Variants in PSG2 observed in about 807,000 individuals in gnomAD.
PSG2 encodes pregnancy specific beta-1-glycoprotein 2, also known as pregnancy-specific beta-1-glycoprotein 2.
In PSG2, 49 loss-of-function variants were observed where a neutral mutation model predicts 36.2. The observed-to-expected ratio is 1.35, with a 90% CI of 1.08 to 1.72. PSG2 has a LOEUF of 1.72. Among genes scored for constraint, PSG2 ranks in the 40% most tolerant of loss-of-function variants. The pLI is 0.00. For synonymous variants in PSG2, 261 were observed against 155.6 expected, an observed-to-expected ratio of 1.68 and a Z score of -5.04; for missense variants, 605 against 407.2, an observed-to-expected ratio of 1.49 and a Z score of -4.18.
rs145401251 is a variant in PSG2 at position 43,082,570 on chromosome 19, G to C, written c.-1C>G. The C allele has an allele frequency of 1.2e-6, 2 of 1,611,668 alleles. No homozygotes were observed. The highest frequency in any genetic ancestry group is 8.5e-7 in the Non-Finnish European group (1 of 1,178,888). On this transcript the variant is annotated 5_prime_UTR_variant, in exon 1 of 6. Coordinates refer to ENST00000406487, the MANE Select transcript of PSG2 (RefSeq NM_031246.4). ...AGGGAGGGGCTGAGAGGGGCCCCAT[G>C]GTCTCTGCTGCCTGTGTGTTCTCCT...
At position 43,072,298 on chromosome 19, in the gene PSG2, C is replaced by G. The variant is rs748863655; in HGVS notation, c.710-344G>C. The G allele has an allele frequency of 1.2e-6, 2 of 1,604,150 alleles. 1 individual carries two copies. The highest frequency in any genetic ancestry group is 4.5e-5 in the East Asian group (2 of 44,806). On this transcript the variant is annotated intron_variant, in intron 3 of 5. Transcript: ENST00000406487. ...GGAGAGAGACTGAGAGGCCTGGCCC[C>G]TGGTCATTTGGATTTAAGCTGGTGG... is the stretch of plus-strand genomic sequence containing the variant.
At chr19:43,077,847 A>G (rs1568515546) in intron 2 of PSG2, among the ~76,000 whole-genome samples, 3 of 151,774 alleles carry the variant, frequency 2.0e-5, no homozygotes, top group South Asian at 4.1e-4. Flanking sequence ...GGAAATTTCT[A>G]TTGACACGTC....
At chr19:43,075,186 C>T (rs1403662167) in intron 3 of PSG2, among the ~76,000 whole-genome samples, 168 bp downstream of exon 3, 2 of 151,750 alleles carry the variant, frequency 1.3e-5, no homozygotes, top group African/African-American at 4.9e-5. Context: ...TATTGTGGAT[C>T]AAGCCTAGGC....
At position 43,071,722 on chromosome 19, in the gene PSG2, T is replaced by C. The variant is rs3746096; in HGVS notation, c.942A>G (p.Thr314=). Residue 314 remains threonine, a synonymous_variant, in exon 4 of 6, where the codon ACA becomes ACG. Coordinates refer to ENST00000406487, the MANE Select transcript of PSG2 (RefSeq NM_031246.4). Reference sequence around the variant, plus strand: ...TACCAGAGACTTTGACTGTCAACGATGTGGAGCTTTCCTCGCCAGTGGCTG... The same window carrying C: ...TACCAGAGACTTTGACTGTCAACGACGTGGAGCTTTCCTCGCCAGTGGCTG... ...RNSATGEESS[T]SLTVKVSAST... is the part of the protein sequence containing the mutation. The C allele has an allele frequency of 0.099, 159,002 of 1,612,594 alleles. 9,771 individuals carry two copies. The highest frequency in any genetic ancestry group is 0.15 in the South Asian group (13,668 of 91,010).
At chr19:43,074,060 C>A (rs542354704) in intron 3 of PSG2, among the ~76,000 whole-genome samples, 1 of 151,510 alleles carries the variant, frequency 6.6e-6, no homozygotes, top group African/African-American at 2.4e-5. Flanking sequence ...ATGCTGCACT[C>A]GTTTATTTTT....
At position 43,075,571 on chromosome 19, in the gene PSG2, A is replaced by G. The variant is rs768015157; in HGVS notation, c.492T>C (p.Thr164=). The G allele has an allele frequency of 3.7e-6, 6 of 1,613,300 alleles. No homozygotes were observed. In the Admixed American group the frequency reaches 1.0e-4, roughly 27 times the overall value. The change falls in exon 3 of 6, where the codon ACT becomes ACC. Residue 164 remains threonine, a synonymous_variant. Coordinates refer to ENST00000406487, the MANE Select transcript of PSG2 (RefSeq NM_031246.4). ...TCTCAGGATCACAGGTTAAGATCAC[A>G]GTTTCCATGGCCTCCCTGGGGTTTA... is the stretch of plus-strand genomic sequence containing the variant. ...SNLNPREAME[T]VILTCDPETP...
chr19:43,079,509 G>T (rs879822713), intron 2 of PSG2, among the ~76,000 whole-genome samples: 1 of 150,012 alleles, frequency 6.7e-6, no homozygotes, highest in African/African-American at 2.5e-5. Context: ...TGTTATGTGA[G>T]AGCTCCTGAG....
intron 1 of PSG2, chr19:43,082,291 C>A: frequency 1.5e-6 from 1 of 680,718 alleles, no homozygotes; most frequent in Non-Finnish European, 2.3e-6. Flanking sequence ...CAGGAACACA[C>A]GACAATACCT....
chr19:43,081,623 C>T (rs1467774795), intron 1 of PSG2, among the ~76,000 whole-genome samples: 1 of 151,516 alleles, frequency 6.6e-6, no homozygotes, highest in East Asian at 1.9e-4. Context: ...CTGGGTCTTC[C>T]CTTTCTGACC....
chr19:43,075,631 C>T lies in PSG2; in HGVS notation c.432G>A (p.Leu144=). The change falls in exon 3 of 6, where the codon CTG becomes CTA. Residue 144 remains leucine (L), a splice_region_variant and synonymous_variant. Transcript: ENST00000406487. The stretch of plus-strand genomic sequence containing the variant: ...TGGAGATGGAGGGCTTGGGAGTCTC[C>T]ACTGTGCAGAAAACAGAGAGAAGAT... The part of the protein sequence containing the change: ...VTGYFTFTLY[L]ETPKPSISSS... 1 of 1,611,602 alleles carries T rather than the reference C, an allele frequency of 6.2e-7. No homozygotes were observed. The highest frequency in any genetic ancestry group is 1.1e-5 in the South Asian group (1 of 90,876).
At chr19:43,082,466 C>G (rs543820129) in intron 1 of PSG2, 40 bp downstream of exon 1, 2 of 1,601,094 alleles carry the variant, frequency 1.2e-6, no homozygotes, top group Non-Finnish European at 1.7e-6. Context: ...AGTCACTCTT[C>G]TTCCTCCTCC....
chr19:43,075,744 A>G, intron 2 of PSG2, 112 bp from the exon 3 acceptor site: 1 of 1,515,768 alleles, frequency 6.6e-7, no homozygotes, highest in Non-Finnish European at 8.8e-7. Flanking sequence ...AAGTCCTTAA[A>G]AGCCCATGGC....
intron 2 of PSG2, among the ~76,000 whole-genome samples, chr19:43,079,292 C>G (rs1179824399): frequency 6.6e-6 from 1 of 151,346 alleles, no homozygotes; most frequent in Admixed American, 6.6e-5. Context: ...CCAAGGAGCC[C>G]TGAGAACCCT....
chr19:43,066,509 C>A lies in PSG2; in HGVS notation c.*40+8G>T, dbSNP rs760790819. The stretch of plus-strand genomic sequence containing the variant: ...CAGGAACCAGGATAAGAGAAAAGGC[C>A]ATCATACCTGCCAGTCTTCCTGAAA... On this transcript the variant is annotated splice_region_variant and intron_variant, in intron 5 of 5. Coordinates refer to ENST00000406487, the MANE Select transcript of PSG2 (RefSeq NM_031246.4). 3 of 1,528,798 alleles carry A rather than the reference C, an allele frequency of 2.0e-6. No individual in the cohort carries two copies. The African/African-American group carries it at 4.2e-5, about 21-fold the overall frequency. 94.7% of individuals were successfully genotyped at this position (1,528,798 alleles called of 1,614,324 possible). A position where few individuals can be genotyped will look rare whatever the true frequency, so the allele number is the denominator to read the frequency against.
chr19:43,064,718 A>C (rs1029080019), intron 5 of PSG2, 117 bp from the exon 6 acceptor site: 9 of 372,620 alleles, frequency 2.4e-5, no homozygotes, highest in Middle Eastern at 3.5e-4. Context: ...ATCTAATGAG[A>C]ATTTATTATG....
Position 43,066,571 on chromosome 19 carries a change from G to A in PSG2, c.994C>T (p.Leu332Phe). The change falls in exon 5 of 6, where the codon CTT (leucine) becomes TTT (phenylalanine). Residue 332 changes from leucine (L) to phenylalanine (F), a missense_variant. By Grantham distance (22) the Leu-to-Phe change is conservative (BLOSUM62 0). Transcript: ENST00000406487. ...CATCACAGCTGCTATGTTGGATTAA[G>A]GAGAGGAAGAAGTCCTATTCTTGTA... is the stretch of plus-strand genomic sequence containing the variant. Reference protein sequence around the residue: ...ASTRIGLLPLLNPT With the variant: ...ASTRIGLLPLFNPT 6.2e-7 allele frequency: 1 copy of A among 1,601,476 alleles called. No individual in the cohort carries two copies.
rs761048790 is a variant in PSG2 at position 43,071,875 on chromosome 19, C to G, written c.789G>C (p.Ala263=). Residue 263 remains alanine, a synonymous_variant, in exon 4 of 6, where the codon GCG becomes GCC. Coordinates refer to ENST00000406487, the MANE Select transcript of PSG2 (RefSeq NM_031246.4). The part of the protein sequence containing the change: ...SGDNLYLSCF[A]NSNPPAQYSW... ...AATACTGTGCCGGTGGGTTAGAGTT[C>G]GCGAAGCAAGACAAGTAGAGGTTAT... 2 of 1,612,986 alleles carry G rather than the reference C, an allele frequency of 1.2e-6. No individual in the cohort carries two copies. The highest frequency in any genetic ancestry group is 2.2e-5 in the South Asian group (2 of 91,020).
At chr19:43,079,065 A>T (rs144030400) in intron 2 of PSG2, among the ~76,000 whole-genome samples, 1 of 151,868 alleles carries the variant, frequency 6.6e-6, no homozygotes, top group Admixed American at 6.6e-5. Flanking sequence ...GGAAGGGAAC[A>T]GAACAGCCAG....
chr19:43,069,686 T>C (rs756462754), intron 4 of PSG2, among the ~76,000 whole-genome samples: 1 of 151,610 alleles, frequency 6.6e-6, no homozygotes, highest in Non-Finnish European at 1.5e-5. Flanking sequence ...CATAACACCA[T>C]GTACAAAAAT....
Sources: allele counts gnomAD v4.1 joint callset (sites outside exome capture counted in the v4.1 genomes callset), GRCh38; gene constraint gnomAD v4.1.1; transcripts MANE v1.5; gene names NCBI Gene and HGNC (gene_info 2026-07-23, HGNC 2026-07-21).